The following FKBP5 variants were observed in gnomAD, a reference collection of about 807,000 sequenced individuals.
FKBP5 encodes the protein peptidyl-prolyl cis-trans isomerase FKBP5.
FKBP5 carries 23 observed loss-of-function variants against 50.5 expected under a neutral mutation model. The observed-to-expected ratio is 0.46, with a 90% CI of 0.33 to 0.65. The LOEUF (loss-of-function observed/expected upper bound fraction) is 0.65. FKBP5 is among the 30% of genes least tolerant of loss of function. The pLI is 0.02. For missense variants in FKBP5, 411 were observed against 553.1 expected (o/e 0.74, Z 2.58); for synonymous variants, 176 against 190.6 (o/e 0.92, Z 0.63).
intron 1 of FKBP5, among the ~76,000 whole-genome samples, chr6:35,666,106 G>C (rs906210948): frequency 6.6e-6 from 1 of 152,000 alleles, no homozygotes; most frequent in Non-Finnish European, 1.5e-5. Flanking sequence ...ATTACCTAAT[G>C]TATCATCTTC....
chr6:35,582,898 T>C (rs375917826), intron 8 of FKBP5: 14 of 931,162 alleles, frequency 1.5e-5, no homozygotes, highest in South Asian at 9.9e-5. Context: ...TGAGTAAATA[T>C]TGAAATCAAA....
chr6:35,608,459 C>T (rs1763395805), intron 5 of FKBP5, among the ~76,000 whole-genome samples: 1 of 152,132 alleles, frequency 6.6e-6, no homozygotes, highest in African/African-American at 2.4e-5. Flanking sequence ...ACTTGGGAGG[C>T]TGAAGCAGGC....
At chr6:35,723,401 T>C (rs545019695) in intron 1 of FKBP5, among the ~76,000 whole-genome samples, 2 of 152,158 alleles carry the variant, frequency 1.3e-5, no homozygotes, top group South Asian at 4.1e-4. Flanking sequence ...AATCTGACAC[T>C]GGCAGAAGCT....
intron 2 of FKBP5, among the ~76,000 whole-genome samples, chr6:35,697,664 C>T (rs982426697): frequency 6.6e-6 from 1 of 151,748 alleles, no homozygotes; most frequent in Non-Finnish European, 1.5e-5. Context: ...TGATTACATT[C>T]ATATGGAATG....
chr6:35,575,995 T>A, intron 10 of FKBP5, 53 bp from the exon 11 acceptor site: 1 of 1,261,794 alleles, frequency 7.9e-7, no homozygotes, highest in South Asian at 1.2e-5. Context: ...AGTGAAATAA[T>A]TCCTGGCTCC....
At chr6:35,709,815 C>A (rs371884004) in intron 2 of FKBP5, among the ~76,000 whole-genome samples, 3 of 151,928 alleles carry the variant, frequency 2.0e-5, no homozygotes, top group East Asian at 3.9e-4. Flanking sequence ...ACACTTTAGA[C>A]TTGCAAGTCC....
chr6:35,627,138 CTTG>C (rs1347398372), intron 3 of FKBP5, among the ~76,000 whole-genome samples: 2 of 152,164 alleles, frequency 1.3e-5, no homozygotes, highest in African/African-American at 2.4e-5. Context: ...CTCATCAACA[CTTG>C]TTGTTTTCTC....
At chr6:35,598,142 T>C (rs1445521053) in intron 5 of FKBP5, among the ~76,000 whole-genome samples, 1 of 152,318 alleles carries the variant, frequency 6.6e-6, no homozygotes, top group African/African-American at 2.4e-5. Context: ...CCCAGAGTAA[T>C]TTCATATTAA....
chr6:35,701,387 G>A (rs1766185514), intron 2 of FKBP5, among the ~76,000 whole-genome samples: 1 of 150,044 alleles, frequency 6.7e-6, no homozygotes, highest in Non-Finnish European at 1.5e-5. Context: ...GGGACTACAG[G>A]CGCCCGCCAC....
chr6:35,606,699 C>CA (rs1403330413), intron 5 of FKBP5, among the ~76,000 whole-genome samples: 2 of 43,604 alleles, frequency 4.6e-5, no homozygotes, highest in African/African-American at 1.6e-4. Context: ...AAAAAAAAGT[C>CA]AAAAAAGAAC....
chr6:35,670,227 A>G (rs1765345522), intron 1 of FKBP5, among the ~76,000 whole-genome samples: 1 of 152,222 alleles, frequency 6.6e-6, no homozygotes, highest in Non-Finnish European at 1.5e-5. Context: ...ATTATTTCAC[A>G]TGAATCATGA....
At chr6:35,606,087 C>A (rs1398901412) in intron 5 of FKBP5, among the ~76,000 whole-genome samples, 1 of 152,228 alleles carries the variant, frequency 6.6e-6, no homozygotes. Context: ...TAAAGAGCTT[C>A]AGCACAGCAA....
At chr6:35,722,700 A>T (rs1283866359) in intron 1 of FKBP5, among the ~76,000 whole-genome samples, 2 of 152,234 alleles carry the variant, frequency 1.3e-5, no homozygotes, top group South Asian at 2.1e-4. Context: ...TGTTCCTTCT[A>T]CCTGGAACGT....
At chr6:35,633,751 C>T (rs1764232018) in intron 3 of FKBP5, among the ~76,000 whole-genome samples, 2 of 151,910 alleles carry the variant, frequency 1.3e-5, no homozygotes, top group African/African-American at 2.4e-5. Context: ...TTTTTGTTCC[C>T]GCATTCTTTA....
intron 2 of FKBP5, among the ~76,000 whole-genome samples, chr6:35,714,278 C>T (rs1766471795): frequency 7.1e-6 from 1 of 141,140 alleles, no homozygotes; most frequent in Non-Finnish European, 1.5e-5. Context: ...ATGGTGAAAC[C>T]CCGTCTCTAC....
At chr6:35,624,331 C>T (rs1763931451) in intron 3 of FKBP5, among the ~76,000 whole-genome samples, 1 of 151,940 alleles carries the variant, frequency 6.6e-6, no homozygotes, top group Non-Finnish European at 1.5e-5. Context: ...TGAGACAAAA[C>T]AAAAATACTT....
intron 3 of FKBP5, among the ~76,000 whole-genome samples, chr6:35,625,475 G>A (rs1022161305): frequency 1.3e-5 from 2 of 151,532 alleles, no homozygotes; most frequent in East Asian, 2.0e-4. Context: ...AGTGGCTCAC[G>A]CCTGTAATCT....
At chr6:35,584,744 A>T (rs1035118941) in intron 8 of FKBP5, 3 of 985,276 alleles carry the variant, frequency 3.0e-6, no homozygotes, top group Non-Finnish European at 2.4e-6. Flanking sequence ...CCTTTCATTA[A>T]TTTTTCCCCA....
intron 6 of FKBP5, among the ~76,000 whole-genome samples, chr6:35,594,850 CAT>C (rs1233272490): frequency 6.6e-6 from 1 of 152,190 alleles, no homozygotes; most frequent in African/African-American, 2.4e-5. Flanking sequence ...CCATAAAACT[CAT>C]AAACTTTTAT....
Sources: gnomAD v4.1 joint callset for allele counts (sites outside exome capture counted in the v4.1 genomes callset) on GRCh38, gnomAD v4.1.1 for gene constraint, MANE v1.5 for transcripts, NCBI Gene and HGNC (gene_info 2026-07-23, HGNC 2026-07-21) for gene names.